The following IQGAP1 variants were observed in gnomAD, a reference collection of about 807,000 sequenced individuals.
The protein encoded by IQGAP1 is IQ motif containing GTPase activating protein 1.
IQGAP1 carries 66 observed loss-of-function variants against 215.6 expected under a neutral mutation model. The ratio of observed to expected loss-of-function variants is 0.31; its 90% CI spans 0.25 to 0.38. The LOEUF (loss-of-function observed/expected upper bound fraction) is 0.38. IQGAP1 is among the 10% of genes least tolerant of loss of function. The pLI, the probability that IQGAP1 is intolerant of heterozygous loss-of-function variation, is 1.00. For missense variants in IQGAP1, 1,712 were observed against 1,997.1 expected (o/e 0.86, Z 2.72); for synonymous variants, 772 against 728.7 (o/e 1.06, Z -0.96).
chr15:90,486,000 A>G, intron 30 of IQGAP1, 30 bp from the exon 31 acceptor site: 5 of 1,539,940 alleles, frequency 3.2e-6, no homozygotes, highest in Non-Finnish European at 4.5e-6. Flanking sequence ...AGTTGAATGT[A>G]TAAATGGAGT....
rs554319918 is a variant in IQGAP1 at position 90,401,340 on chromosome 15, A to T, written c.155+10467A>T. Among the ~76,000 whole-genome samples the T allele has an allele frequency of 2.8e-4, 42 of 152,296 alleles. No individual in the cohort carries two copies. In the East Asian group the frequency reaches 4.6e-3, roughly 17 times the overall value. On this transcript the variant is annotated intron_variant, in intron 2 of 37. Coordinates refer to ENST00000268182, the MANE Select transcript of IQGAP1 (RefSeq NM_003870.4). ...TTTGAATGTTGGGTTAAAATTTTTT[A>T]AAAAAATAGTTGTATGTTGGGAAGA...
At chr15:90,390,970 A>G in intron 2 of IQGAP1, 97 bp downstream of exon 2, 1 of 801,798 alleles carries the variant, frequency 1.2e-6, no homozygotes, top group Non-Finnish European at 2.2e-6. Context: ...ACAGTGGTCC[A>G]TGCCTGTAAT....
chr15:90,493,239 G>GGA (rs369905653), intron 35 of IQGAP1, among the ~76,000 whole-genome samples: 26 of 144,930 alleles, frequency 1.8e-4, no homozygotes, highest in African/African-American at 6.0e-4. Context: ...CAAGACTCTG[G>GGA]AAAAAAAAAA....
chr15:90,490,870 G>A (rs933338268), intron 33 of IQGAP1, among the ~76,000 whole-genome samples: 7 of 152,090 alleles, frequency 4.6e-5, no homozygotes, highest in African/African-American at 1.4e-4. Context: ...GTGCAGTGGC[G>A]CGATCTTGGC....
intron 18 of IQGAP1, among the ~76,000 whole-genome samples, chr15:90,468,406 A>G (rs1965860871): frequency 1.3e-5 from 2 of 152,246 alleles, no homozygotes; most frequent in African/African-American, 4.8e-5. Context: ...TGTAGCAGGT[A>G]CTCTTCTAAG....
intron 11 of IQGAP1, among the ~76,000 whole-genome samples, chr15:90,450,090 C>T (rs1316005381): frequency 6.6e-6 from 1 of 152,118 alleles, no homozygotes; most frequent in Non-Finnish European, 1.5e-5. Flanking sequence ...TAGACCTATT[C>T]CTTGTATCTA....
At chr15:90,421,083 G>A (rs1406233134) in intron 2 of IQGAP1, among the ~76,000 whole-genome samples, 3 of 152,220 alleles carry the variant, frequency 2.0e-5, no homozygotes, top group African/African-American at 7.2e-5. Flanking sequence ...GTTGCAATGA[G>A]CTGAGATCGT....
In IQGAP1 at chr15:90,429,496, C is replaced by CA. The variant is rs1965272970; in HGVS notation, c.313-90dup. 2 of 949,264 alleles carry CA rather than the reference C, an allele frequency of 2.1e-6. 1 individual carries two copies. The highest frequency in any genetic ancestry group is 5.7e-5 in the Admixed American group (2 of 34,946). The allele number at this position is 949,264 out of a possible 1,614,324, so 58.8% of individuals were successfully genotyped here. On this transcript the variant is annotated intron_variant, in intron 3 of 37. Transcript: ENST00000268182. Reference sequence around the variant, plus strand: ...GACATCAAAATTAAGGAAAATTTGTCAAATCTCTTGAGGAAACTTTTGCGA... The same window carrying CA: ...GACATCAAAATTAAGGAAAATTTGTCAAAATCTCTTGAGGAAACTTTTGCGA...
chr15:90,404,329 A>G (rs1034599371), intron 2 of IQGAP1, among the ~76,000 whole-genome samples: 3 of 152,138 alleles, frequency 2.0e-5, no homozygotes, highest in Non-Finnish European at 4.4e-5. Context: ...AGTATTACAG[A>G]TTTTTTACAT....
chr15:90,390,665 G>C, intron 1 of IQGAP1, 109 bp from the exon 2 acceptor site: 3 of 722,292 alleles, frequency 4.2e-6, no homozygotes, highest in Non-Finnish European at 7.4e-6. Flanking sequence ...ACACTCATTA[G>C]TTATCCTGAC....
At chr15:90,415,761 G>GT (rs1461611218) in intron 2 of IQGAP1, among the ~76,000 whole-genome samples, 1 of 152,140 alleles carries the variant, frequency 6.6e-6, no homozygotes, top group Non-Finnish European at 1.5e-5. Context: ...GTTAAAGACT[G>GT]TATTACCACT....
chr15:90,486,275 TA>T (rs1189642607), intron 31 of IQGAP1, 143 bp downstream of exon 31: 10 of 563,126 alleles, frequency 1.8e-5, no homozygotes, highest in African/African-American at 1.7e-4. Flanking sequence ...GATAGTTTCA[TA>T]AGAGAGAAAA....
intron 2 of IQGAP1, among the ~76,000 whole-genome samples, chr15:90,422,777 C>G (rs1239820628): frequency 1.3e-5 from 2 of 151,198 alleles, no homozygotes; most frequent in African/African-American, 2.4e-5. Context: ...CTCACTGCAG[C>G]CTTGACCTCC....
chr15:90,405,995 G>T (rs1057416587), intron 2 of IQGAP1, among the ~76,000 whole-genome samples: 1 of 152,090 alleles, frequency 6.6e-6, no homozygotes, highest in African/African-American at 2.4e-5. Context: ...AGCCATAATT[G>T]TACTAATTGG....
In IQGAP1 at chr15:90,392,779, C is replaced by G. The variant is rs371224452; in HGVS notation, c.155+1906C>G. 2.9e-4 allele frequency among the ~76,000 whole-genome samples: 32 copies of G among 111,420 alleles called. No individual in the cohort carries two copies. In the East Asian group the frequency reaches 7.3e-3, roughly 25 times the overall value. 73.1% of individuals were successfully genotyped at this position (111,420 alleles called of 152,430 possible). ...TTTTTTTTTTTTGTACAGTCTCGCTCTGTTGCCCAGGCTGGAGGGCAGTGG... is the reference window on the plus strand; with the variant it reads ...TTTTTTTTTTTTGTACAGTCTCGCTGTGTTGCCCAGGCTGGAGGGCAGTGG... On this transcript the variant is annotated intron_variant, in intron 2 of 37. Coordinates refer to ENST00000268182, the MANE Select transcript of IQGAP1 (RefSeq NM_003870.4).
Position 90,497,321 on chromosome 15 carries a change from CT to C in IQGAP1, c.4845del (p.Phe1615LeufsTer19), listed in dbSNP as rs1433048845. 6 of 1,598,714 alleles carry C rather than the reference CT, an allele frequency of 3.8e-6. No homozygotes were observed. Among genetic ancestry groups the C allele is most frequent in the Non-Finnish European group, 8.6e-7 (1 of 1,166,134 alleles). On this transcript the variant is annotated frameshift_variant, in exon 37 of 38. Coordinates refer to ENST00000268182, the MANE Select transcript of IQGAP1 (RefSeq NM_003870.4). LOFTEE classifies it high-confidence loss of function. ...KAKFMGVQME[T>X]FMLHYQDLLQ... Reference sequence around the variant, plus strand: ...AAATTCATGGGAGTTCAAATGGAGACTTTTATGTTACATTATCAGGTGGGTA... The same window carrying C: ...AAATTCATGGGAGTTCAAATGGAGACTTTATGTTACATTATCAGGTGGGTA...
intron 2 of IQGAP1, among the ~76,000 whole-genome samples, chr15:90,420,147 A>G (rs1965112814): frequency 2.0e-5 from 3 of 152,304 alleles, no homozygotes; most frequent in Middle Eastern, 3.4e-3. Context: ...GATAGGAGGA[A>G]AGGCACAAAT....
intron 2 of IQGAP1, among the ~76,000 whole-genome samples, chr15:90,395,174 A>G (rs1311965944): frequency 6.6e-6 from 1 of 152,222 alleles, no homozygotes; most frequent in African/African-American, 2.4e-5. Flanking sequence ...TCACCTAACG[A>G]TTCAAGGCTT....
chr15:90,444,891 A>G (rs972286834), intron 9 of IQGAP1, among the ~76,000 whole-genome samples: 2 of 152,242 alleles, frequency 1.3e-5, no homozygotes, highest in African/African-American at 4.8e-5. Context: ...TTGGAAGGCC[A>G]GGGCAGGTGG....
Sources: allele counts gnomAD v4.1 joint callset (sites outside exome capture counted in the v4.1 genomes callset), GRCh38; gene constraint gnomAD v4.1.1; transcripts MANE v1.5; gene names NCBI Gene and HGNC (gene_info 2026-07-23, HGNC 2026-07-21).